Variants in CACHD1 observed in about 807,000 individuals in gnomAD.
CACHD1 encodes cache domain containing 1.
In CACHD1, 71 loss-of-function variants were observed where a neutral mutation model predicts 138.7. The ratio of observed to expected loss-of-function variants is 0.51; its 90% confidence interval spans 0.42 to 0.62. CACHD1 has a LOEUF of 0.62. CACHD1 is among the 20% of genes least tolerant of loss of function. CACHD1 has a pLI of 0.00. For synonymous variants in CACHD1, 578 were observed against 591.5 expected (o/e 0.98, Z 0.33); for missense variants, 1,389 against 1,625.3 (o/e 0.85, Z 2.50).
rs764694013 is a variant in CACHD1, at chr1:64,654,710, C to T, written c.1689C>T (p.Ile563=). Reference sequence around the variant, plus strand: ...GCCTCCCTCTGGGCAGCCAGATTATCGCAGTCCCTGTGAACTCATCCCTGT... The same window carrying T: ...GCCTCCCTCTGGGCAGCCAGATTATTGCAGTCCCTGTGAACTCATCCCTGT... ...ILSLPLGSQI[I]AVPVNSSLSW... Residue 563 remains isoleucine, a synonymous_variant, in exon 12 of 27, where the codon ATC becomes ATT. Transcript: ENST00000651257. The T allele has an allele frequency of 7.4e-6, 12 of 1,613,492 alleles. No individual in the cohort carries two copies. The Middle Eastern group carries it at 4.9e-4, about 66-fold the overall frequency.
At chr1:64,621,788 G>C (rs1339887690) in intron 4 of CACHD1, among the ~76,000 whole-genome samples, 1 of 152,150 alleles carries the variant, frequency 6.6e-6, no homozygotes, top group South Asian at 2.1e-4. Context: ...AGGTGAGGTT[G>C]GAGAATAGGA....
chr1:64,682,218 C>G lies in CACHD1; in HGVS notation c.3586+112C>G, dbSNP rs1650215988. The G allele has an allele frequency of 6.7e-6, 6 of 896,452 alleles. No homozygotes were observed. The East Asian group carries it at 1.5e-4, about 23-fold the overall frequency. 55.5% of individuals were successfully genotyped at this position (896,452 alleles called of 1,614,324 possible). ...TTCCAAAAAGACACACCCCAGCATG[C>G]CACTGGTTTATAAGAGCCCGAGGAC... On this transcript the variant is annotated intron_variant, in intron 26 of 26. Coordinates refer to ENST00000651257, the MANE Select transcript of CACHD1 (RefSeq NM_020925.4).
At chr1:64,641,444 C>T (rs1202989391) in intron 7 of CACHD1, among the ~76,000 whole-genome samples, 2 of 152,172 alleles carry the variant, frequency 1.3e-5, no homozygotes, top group Non-Finnish European at 2.9e-5. Flanking sequence ...GGTGATGTTC[C>T]TGCATCACAG....
intron 1 of CACHD1, among the ~76,000 whole-genome samples, chr1:64,511,006 A>G (rs1202225677): frequency 6.6e-6 from 1 of 152,186 alleles, no homozygotes; most frequent in Non-Finnish European, 1.5e-5. Flanking sequence ...CTTGTAGTGG[A>G]GAATCCATTT....
intron 2 of CACHD1, among the ~76,000 whole-genome samples, chr1:64,570,930 A>G (rs1646923026): frequency 6.6e-6 from 1 of 152,044 alleles, no homozygotes; most frequent in Non-Finnish European, 1.5e-5. Flanking sequence ...TGATATTAAA[A>G]AAAAACTTGT....
intron 1 of CACHD1, among the ~76,000 whole-genome samples, chr1:64,492,927 C>T (rs1206019732): frequency 6.6e-6 from 1 of 152,220 alleles, no homozygotes; most frequent in East Asian, 1.9e-4. Context: ...GCAGTAGAGA[C>T]TACATCTGCT....
intron 15 of CACHD1, 89 bp downstream of exon 15, chr1:64,664,768 A>G (rs1009138450): frequency 6.1e-6 from 7 of 1,150,642 alleles, no homozygotes; most frequent in Non-Finnish European, 7.3e-6. Flanking sequence ...ACTTCAGGGC[A>G]TTAAACTAAA....
chr1:64,585,123 A>G (rs929555193), intron 3 of CACHD1, among the ~76,000 whole-genome samples: 3 of 152,250 alleles, frequency 2.0e-5, no homozygotes, highest in African/African-American at 7.2e-5. Flanking sequence ...GGAAAATTGT[A>G]TCACATCCAT....
chr1:64,636,344 A>G (rs1157616708), intron 7 of CACHD1, among the ~76,000 whole-genome samples: 1 of 152,164 alleles, frequency 6.6e-6, no homozygotes, highest in Non-Finnish European at 1.5e-5. Flanking sequence ...GTCTCAGCAT[A>G]ACAAATTACC....
At chr1:64,669,719 T>A (rs1649754329) in intron 16 of CACHD1, among the ~76,000 whole-genome samples, 1 of 152,108 alleles carries the variant, frequency 6.6e-6, no homozygotes. Context: ...TCATTCTTTA[T>A]GAGTTGCTAT....
At chr1:64,675,245 A>G (rs1649945545) in intron 19 of CACHD1, among the ~76,000 whole-genome samples, 156 bp from the exon 20 acceptor site, 1 of 152,216 alleles carries the variant, frequency 6.6e-6, no homozygotes, top group Non-Finnish European at 1.5e-5. Context: ...CTAAATTTTT[A>G]ACAGTGACTA....
Position 64,641,851 on chromosome 1 carries a change from T to C in CACHD1, c.1038T>C (p.Ala346=), listed in dbSNP as rs375425058. Residue 346 remains alanine (A), a synonymous_variant, in exon 8 of 27, where the codon GCT becomes GCC. Coordinates refer to ENST00000651257, the MANE Select transcript of CACHD1 (RefSeq NM_020925.4). ...NTDMVIIYLS[A]GITSKDSSEE... ...ACATGGTCATCATTTACCTGTCAGC[T>C]GGCATTACATCAAAGGACTCTTCGG... 1.3e-6 allele frequency: 2 copies of C among 1,582,820 alleles called. No individual in the cohort carries two copies. Among genetic ancestry groups the C allele is most frequent in the Non-Finnish European group, 1.7e-6 (2 of 1,169,206 alleles).
chr1:64,482,276 C>T (rs913850567), intron 1 of CACHD1, among the ~76,000 whole-genome samples: 5 of 152,026 alleles, frequency 3.3e-5, no homozygotes, highest in Non-Finnish European at 5.9e-5. Context: ...TGGATTACTC[C>T]GTGTGCCTCT....
At chr1:64,477,591 A>G (rs1646181162) in intron 1 of CACHD1, among the ~76,000 whole-genome samples, 2 of 129,430 alleles carry the variant, frequency 1.5e-5, no homozygotes, top group South Asian at 5.1e-4. Flanking sequence ...CCAGATTATT[A>G]TTATTATTAT....
chr1:64,647,750 G>A, intron 8 of CACHD1, 51 bp from the exon 9 acceptor site: 2 of 1,506,640 alleles, frequency 1.3e-6, no homozygotes, highest in Non-Finnish European at 1.8e-6. Context: ...GAGGTTGAAT[G>A]GATATAAACC....
rs531656915 is a variant in CACHD1, at chr1:64,514,595, G to A, written c.199-35999G>A. 4.1e-4 allele frequency among the ~76,000 whole-genome samples: 63 copies of A among 152,278 alleles called. 1 individual carries two copies. The South Asian group carries it at 0.01, about 25-fold the overall frequency. Reference sequence around the variant, plus strand: ...GAGCTAGATGCATAGTTGACCATAGGATCATTGGTATTTACCACAGCAGCA... The same window carrying A: ...GAGCTAGATGCATAGTTGACCATAGAATCATTGGTATTTACCACAGCAGCA... On this transcript the variant is annotated intron_variant, in intron 1 of 26. Transcript: ENST00000651257.
intron 1 of CACHD1, among the ~76,000 whole-genome samples, chr1:64,482,691 T>C (rs1033831198): frequency 2.6e-5 from 4 of 152,228 alleles, no homozygotes; most frequent in Non-Finnish European, 5.9e-5. Context: ...TCAGGGGGGT[T>C]AGCCTGTGTG....
chr1:64,653,919 TGAGA>T, intron 11 of CACHD1, 38 bp downstream of exon 11: 1 of 1,595,504 alleles, frequency 6.3e-7, no homozygotes, highest in East Asian at 2.2e-5. Flanking sequence ...TGTTTTTCCC[TGAGA>T]ATGGGACCCA....
chr1:64,569,948 G>A (rs529725302), intron 2 of CACHD1, among the ~76,000 whole-genome samples: 11 of 152,112 alleles, frequency 7.2e-5, no homozygotes, highest in Non-Finnish European at 1.0e-4. Context: ...AGGTTGAATC[G>A]TATTTGGAAA....
Sources: allele counts gnomAD v4.1 joint callset (sites outside exome capture counted in the v4.1 genomes callset), GRCh38; gene constraint gnomAD v4.1.1; transcripts MANE v1.5; gene names NCBI Gene and HGNC (gene_info 2026-07-23, HGNC 2026-07-21).